Variants in SLC26A8 observed in about 807,000 individuals in gnomAD.
SLC26A8 encodes the protein solute carrier family 26 member 8.
Under a neutral mutation model 105.0 loss-of-function variants are expected in SLC26A8, and 70 were observed. The ratio of observed to expected loss-of-function variants is 0.67; its 90% confidence interval spans 0.55 to 0.81. SLC26A8 has a LOEUF of 0.81. Ranked by LOEUF, SLC26A8 falls within the 40% of genes least tolerant of loss-of-function variation. SLC26A8 has a pLI of 0.00. For missense variants in SLC26A8, 998 were observed against 1,181.8 expected (o/e 0.84, Z 2.28); for synonymous variants, 415 against 438.3 (o/e 0.95, Z 0.66).
chr6:35,944,118 C>A lies in SLC26A8; in HGVS notation c.2695G>T (p.Glu899Ter), dbSNP rs142760708. ...TCAGTCTCAGGCTGGGGCTCCATCT[C>A]GGTCTGGGTCTTGGTCTCGGTCTCA... Reference protein sequence around the residue: ...KAETETKTQTEMEPQPETEPE... With the variant: ...KAETETKTQT The change falls in exon 20 of 20, where the codon GAG (glutamate) becomes TAG (stop). Residue 899 changes from glutamate (E) to a stop codon, truncating the protein, a stop_gained. Transcript: ENST00000490799. LOFTEE classifies it high-confidence loss of function. The A allele has an allele frequency of 3.1e-6, 5 of 1,614,062 alleles. No homozygotes were observed. Among genetic ancestry groups the A allele is most frequent in the Non-Finnish European group, 3.4e-6 (4 of 1,180,012 alleles).
chr6:35,972,771 A>G (rs1772846642), intron 10 of SLC26A8, among the ~76,000 whole-genome samples: 3 of 152,260 alleles, frequency 2.0e-5, no homozygotes, highest in Non-Finnish European at 2.9e-5. Flanking sequence ...CTTCTGTTCA[A>G]CAGGCTAAAA....
chr6:35,987,579 G>C (rs551804334), intron 7 of SLC26A8, among the ~76,000 whole-genome samples: 20 of 152,186 alleles, frequency 1.3e-4, no homozygotes, highest in Admixed American at 7.2e-4. Context: ...TCACCATTTA[G>C]CCAGGATGGT....
chr6:35,977,267 A>G lies in SLC26A8; in HGVS notation c.1110T>C (p.Phe370=). Residue 370 remains phenylalanine, a synonymous_variant, in exon 9 of 20, where the codon TTT becomes TTC. Transcript: ENST00000490799. ...TCTTCTTGCCCAGAAATATGAGCAG[A>G]AAGGAGCTCACCAAAGATAAGGAGA... ...QAFSLSLVSS[F]LLIFLGKKIA... is the part of the protein sequence containing the mutation. 1 of 1,614,122 alleles carries G rather than the reference A, an allele frequency of 6.2e-7. No individual in the cohort carries two copies. The highest frequency in any genetic ancestry group is 8.5e-7 in the Non-Finnish European group (1 of 1,179,988).
chr6:36,016,286 C>T (rs145012967), intron 2 of SLC26A8, among the ~76,000 whole-genome samples: 2 of 152,272 alleles, frequency 1.3e-5, no homozygotes, highest in East Asian at 3.9e-4. Flanking sequence ...AGCCACTGCA[C>T]CCGGCCAGGG....
intron 5 of SLC26A8, among the ~76,000 whole-genome samples, chr6:35,994,868 T>G (rs1300110133): frequency 6.6e-6 from 1 of 152,200 alleles, no homozygotes; most frequent in Non-Finnish European, 1.5e-5. Context: ...TGAGCCACTG[T>G]GGCTGGCCTG....
intron 3 of SLC26A8, among the ~76,000 whole-genome samples, chr6:36,010,657 G>A (rs1761831542): frequency 6.7e-6 from 1 of 150,218 alleles, no homozygotes; most frequent in Non-Finnish European, 1.5e-5. Flanking sequence ...TCCTGCCTCA[G>A]CCTCCCAAGT....
chr6:36,017,246 T>C (rs1100864), intron 2 of SLC26A8, among the ~76,000 whole-genome samples: 131,119 of 151,866 alleles, frequency 0.86, 57,348 homozygotes, highest in African/African-American at 0.96. Flanking sequence ...CATGATCTTG[T>C]ATGATCTTGA....
Position 36,022,718 on chromosome 6 carries a change from G to A in SLC26A8, c.-3+1786C>T, listed in dbSNP as rs76180148. 1.6e-3 allele frequency among the ~76,000 whole-genome samples: 239 copies of A among 152,068 alleles called. 2 individuals carry two copies. In the East Asian group the frequency reaches 0.032, roughly 20 times the overall value. On this transcript the variant is annotated intron_variant, in intron 1 of 19. Coordinates refer to ENST00000490799, the MANE Select transcript of SLC26A8 (RefSeq NM_052961.4). ...CTGGCTAACAGCAGCAAGGGTAAAC[G>A]CATGGTTTCCTTATTATTTTTTTTA...
At chr6:35,990,560 C>G (rs927840744) in intron 7 of SLC26A8, 3 of 153,822 alleles carry the variant, frequency 2.0e-5, no homozygotes, top group African/African-American at 7.2e-5. Flanking sequence ...ATCTTCTCAT[C>G]TAGATGTGCT....
chr6:35,977,914 A>T (rs1423245111), intron 8 of SLC26A8, among the ~76,000 whole-genome samples: 1 of 151,878 alleles, frequency 6.6e-6, no homozygotes, highest in Non-Finnish European at 1.5e-5. Context: ...GTGAAACCTT[A>T]TCTCTACTAA....
At chr6:35,966,305 T>G (rs1009368609) in intron 11 of SLC26A8, among the ~76,000 whole-genome samples, 17 of 152,208 alleles carry the variant, frequency 1.1e-4, no homozygotes, top group Non-Finnish European at 1.8e-4. Context: ...TTTCCAAACT[T>G]CCTTCAATTT....
chr6:35,992,658 A>G lies in SLC26A8; in HGVS notation c.644T>C (p.Leu215Ser), dbSNP rs141632932. 1 of 1,610,656 alleles carries G rather than the reference A, an allele frequency of 6.2e-7. No individual in the cohort carries two copies. Among genetic ancestry groups the G allele is most frequent in the African/African-American group, 1.3e-5 (1 of 74,772 alleles). ...TGIIQLIMGV[L>S]GLGFIATYLP... The stretch of plus-strand genomic sequence containing the variant: ...GTAAGTGGCAATGAAGCCCAAACCC[A>G]ATACGCCCATTATTAGCTGCAGAGA... The change falls in exon 6 of 20, where the codon TTG (leucine) becomes TCG (serine). Residue 215 changes from leucine to serine, a missense_variant. Physicochemically the swap from Leu to Ser is moderately radical, Grantham distance 145 (BLOSUM62 -2). Transcript: ENST00000490799.
At chr6:36,009,353 AAACAACAACAAC>A (rs145874408) in intron 3 of SLC26A8, among the ~76,000 whole-genome samples, 4 of 149,370 alleles carry the variant, frequency 2.7e-5, no homozygotes, top group South Asian at 2.1e-4. Flanking sequence ...TGCCTCTCAA[AAACAACAACAAC>A]AACAACAACA....
chr6:35,959,372 G>A (rs992038560), intron 16 of SLC26A8, 88 bp downstream of exon 16: 1 of 1,418,160 alleles, frequency 7.1e-7, no homozygotes, highest in African/African-American at 1.5e-5. Flanking sequence ...AAATCCCTTA[G>A]AGGTTTTGAT....
intron 5 of SLC26A8, among the ~76,000 whole-genome samples, chr6:35,995,248 C>T (rs1192996617): frequency 6.6e-6 from 1 of 152,160 alleles, no homozygotes; most frequent in Non-Finnish European, 1.5e-5. Flanking sequence ...TTCTTGCCCA[C>T]TGTAATATGG....
At position 35,943,518 on chromosome 6, in the gene SLC26A8, A is replaced by G. The variant is rs1378532609; in HGVS notation, c.*382T>C. 5.1e-6 allele frequency: 1 copy of G among 195,064 alleles called. No individual in the cohort carries two copies. Among genetic ancestry groups the G allele is most frequent in the Non-Finnish European group, 1.1e-5 (1 of 93,700 alleles). 12.1% of individuals were successfully genotyped at this position (195,064 alleles called of 1,614,324 possible). A position where few individuals can be genotyped will look rare whatever the true frequency, so the allele number is the denominator to read the frequency against. On this transcript the variant is annotated 3_prime_UTR_variant, in exon 20 of 20. Coordinates refer to ENST00000490799, the MANE Select transcript of SLC26A8 (RefSeq NM_052961.4). The stretch of plus-strand genomic sequence containing the variant: ...AAGGTGCAGGAAGGATCCAAATGTT[A>G]CTAGAGTTATACATTTTATTTGAGC...
intron 7 of SLC26A8, 68 bp downstream of exon 7, chr6:35,991,591 C>A: frequency 7.7e-7 from 1 of 1,294,080 alleles, no homozygotes; most frequent in Non-Finnish European, 1.0e-6. Context: ...TTACACAATT[C>A]AACTCAGCAT....
intron 4 of SLC26A8, 59 bp downstream of exon 4, chr6:35,999,933 A>C (rs2127356907): frequency 8.6e-7 from 1 of 1,157,598 alleles, no homozygotes; most frequent in Non-Finnish European, 1.3e-6. Flanking sequence ...CTTAGCAATA[A>C]GTATATGATC....
intron 14 of SLC26A8, 72 bp from the exon 15 acceptor site, chr6:35,959,878 A>C: frequency 8.6e-7 from 1 of 1,160,428 alleles, no homozygotes; most frequent in Non-Finnish European, 1.3e-6. Flanking sequence ...ATATCCTTAG[A>C]AGCTCCTAGA....
Sources: allele counts gnomAD v4.1 joint callset (sites outside exome capture counted in the v4.1 genomes callset), GRCh38; gene constraint gnomAD v4.1.1; transcripts MANE v1.5; gene names NCBI Gene and HGNC (gene_info 2026-07-23, HGNC 2026-07-21).